Variants in MAML2 observed in about 807,000 individuals in gnomAD.
The protein encoded by MAML2 is mastermind-like protein 2.
Under a neutral mutation model 96.1 loss-of-function variants are expected in MAML2, and 22 were observed. That is an observed-to-expected ratio of 0.23 (90% CI 0.16 to 0.33). The LOEUF (loss-of-function observed/expected upper bound fraction) is 0.33, where lower values mean the gene tolerates loss of function less well. Ranked by LOEUF, MAML2 falls within the 10% of genes least tolerant of loss-of-function variation. The pLI, the probability that MAML2 is intolerant of heterozygous loss-of-function variation, is 1.00. For missense variants in MAML2, 1,367 were observed against 1,392.4 expected (o/e 0.98, Z 0.29); for synonymous variants, 561 against 521.3 (o/e 1.08, Z -1.04).
At chr11:96,293,663 C>A (rs1268405175) in intron 1 of MAML2, among the ~76,000 whole-genome samples, 1 of 152,146 alleles carries the variant, frequency 6.6e-6, no homozygotes, top group Non-Finnish European at 1.5e-5. Context: ...AAATGAGACA[C>A]AGCCAAACAG....
At chr11:96,038,431 C>T (rs1046877362) in intron 2 of MAML2, among the ~76,000 whole-genome samples, 4 of 152,242 alleles carry the variant, frequency 2.6e-5, no homozygotes, top group East Asian at 1.9e-4. Flanking sequence ...TAAGGAAAAA[C>T]GCAAAATAGA....
intron 1 of MAML2, among the ~76,000 whole-genome samples, chr11:96,269,905 C>T (rs557714966): frequency 1.4e-5 from 2 of 144,244 alleles, no homozygotes; most frequent in African/African-American, 5.3e-5. Flanking sequence ...CCCTTGACCT[C>T]TAAACGTTGG....
intron 1 of MAML2, among the ~76,000 whole-genome samples, chr11:96,232,570 T>C (rs1204506775): frequency 1.3e-5 from 2 of 152,006 alleles, no homozygotes; most frequent in African/African-American, 4.8e-5. Context: ...CCCCGGTTCA[T>C]GCCATTCTCC....
intron 2 of MAML2, among the ~76,000 whole-genome samples, chr11:96,023,064 T>C (rs1347945747): frequency 1.3e-5 from 2 of 152,084 alleles, no homozygotes; most frequent in Non-Finnish European, 2.9e-5. Context: ...CTGAGCAAGA[T>C]TCAGTGAGGA....
At position 96,047,910 on chromosome 11, in the gene MAML2, C is replaced by CA. The variant is rs71459784; in HGVS notation, c.2139+43981dup. On this transcript the variant is annotated intron_variant, in intron 2 of 4. Transcript: ENST00000524717. ...CTGGGCGACAGGCAAGACTCTGCCTCAAAAAAAAAAAAAAAAAAAAAAAAG... is the reference window on the plus strand; with the variant it reads ...CTGGGCGACAGGCAAGACTCTGCCTCAAAAAAAAAAAAAAAAAAAAAAAAAG... Among the ~76,000 whole-genome samples the CA allele has an allele frequency of 1.7e-3, 136 of 82,400 alleles. 1 individual carries two copies. Among genetic ancestry groups the CA allele is most frequent in the African/African-American group, 2.4e-3 (54 of 22,490 alleles). The allele number at this position is 82,400 out of a possible 152,430, so 54.1% of individuals were successfully genotyped here.
chr11:96,327,989 G>A (rs1025354078), intron 1 of MAML2, among the ~76,000 whole-genome samples: 2 of 151,910 alleles, frequency 1.3e-5, no homozygotes, highest in African/African-American at 4.8e-5. Context: ...CCAGCTACTC[G>A]GGAGGCTAAG....
At chr11:96,155,025 G>C (rs1021487287) in intron 1 of MAML2, among the ~76,000 whole-genome samples, 11 of 152,160 alleles carry the variant, frequency 7.2e-5, no homozygotes, top group Admixed American at 2.6e-4. Flanking sequence ...TGCTGGCAGG[G>C]AGCAGTGCTC....
chr11:96,152,507 T>C lies in MAML2; in HGVS notation c.514-58990A>G, dbSNP rs1156338216. On this transcript the variant is annotated intron_variant, in intron 1 of 4. Transcript: ENST00000524717. ...ATGGCCAGCAAGAATTCTAGGTGTA[T>C]AAAACTCATTCTCTCTTTTCTTCCA... 3.9e-5 allele frequency among the ~76,000 whole-genome samples: 6 copies of C among 152,246 alleles called. No homozygotes were observed. The South Asian group carries it at 8.3e-4, about 21-fold the overall frequency.
At chr11:96,309,003 A>G (rs1863502465) in intron 1 of MAML2, among the ~76,000 whole-genome samples, 1 of 152,264 alleles carries the variant, frequency 6.6e-6, no homozygotes, top group South Asian at 2.1e-4. Flanking sequence ...ATAAAATACA[A>G]TACAATAAAA....
Position 96,063,952 on chromosome 11 carries a change from AG to A in MAML2, c.2139+27939del, listed in dbSNP as rs544006370. Among the ~76,000 whole-genome samples the A allele has an allele frequency of 2.4e-3, 364 of 152,308 alleles. 2 individuals are homozygous for A. Among genetic ancestry groups the A allele is most frequent in the African/African-American group, 8.2e-3 (341 of 41,566 alleles). The stretch of plus-strand genomic sequence containing the variant: ...TTCAGATGCTCCCTGTGTGATTAGA[AG>A]TGAGATGAGTTCATGTCTGTAAAAT... On this transcript the variant is annotated intron_variant, in intron 2 of 4. Transcript: ENST00000524717.
chr11:96,169,659 CTT>C (rs5793784), intron 1 of MAML2, among the ~76,000 whole-genome samples: 1 of 144,890 alleles, frequency 6.9e-6, no homozygotes. Flanking sequence ...AGAAAGTAAA[CTT>C]TTTTTTTTTT....
chr11:96,316,627 G>A (rs1244720338), intron 1 of MAML2, among the ~76,000 whole-genome samples: 2 of 152,162 alleles, frequency 1.3e-5, no homozygotes, highest in East Asian at 1.9e-4. Context: ...CTTGAAAAGC[G>A]AGGCAGGCAG....
rs79749321 is a variant in MAML2 at position 96,016,620 on chromosome 11, T to C, written c.2140-24897A>G. Among the ~76,000 whole-genome samples the C allele has an allele frequency of 2.1e-3, 321 of 152,266 alleles. 4 individuals carry two copies. The highest frequency in any genetic ancestry group is 7.5e-3 in the African/African-American group (310 of 41,552). On this transcript the variant is annotated intron_variant, in intron 2 of 4. Coordinates refer to ENST00000524717, the MANE Select transcript of MAML2 (RefSeq NM_032427.4). Reference sequence around the variant, plus strand: ...TTTTTGTGGGGATAAAAGCTAACTATGATGACATTTTACAAAAGCTTTTGG... The same window carrying C: ...TTTTTGTGGGGATAAAAGCTAACTACGATGACATTTTACAAAAGCTTTTGG...
At chr11:96,075,571 G>A (rs1335882874) in intron 2 of MAML2, among the ~76,000 whole-genome samples, 1 of 152,160 alleles carries the variant, frequency 6.6e-6, no homozygotes, top group Non-Finnish European at 1.5e-5. Flanking sequence ...GAGTGCTAGG[G>A]AGTGTGCTGG....
intron 1 of MAML2, among the ~76,000 whole-genome samples, chr11:96,201,527 C>CA (rs1861821573): frequency 6.6e-6 from 1 of 152,028 alleles, no homozygotes; most frequent in Non-Finnish European, 1.5e-5. Flanking sequence ...TATTTGTAGA[C>CA]AAAAAAGTAA....
chr11:96,252,469 AGGCTGGAGT>A (rs1220712350), intron 1 of MAML2, among the ~76,000 whole-genome samples: 2 of 134,588 alleles, frequency 1.5e-5, no homozygotes, highest in Non-Finnish European at 3.1e-5. Context: ...CTCTGTCACG[AGGCTGGAGT>A]GCAGTGGAGC....
rs377665398 is a variant in MAML2, at chr11:96,019,348, T to C, written c.2140-27625A>G. On this transcript the variant is annotated intron_variant, in intron 2 of 4. Coordinates refer to ENST00000524717, the MANE Select transcript of MAML2 (RefSeq NM_032427.4). ...TGCCAGTGATAGTCTTTGGCTATCA[T>C]CCTGATCATAACAATCATTTTGAAT... Among the ~76,000 whole-genome samples the C allele has an allele frequency of 1.2e-3, 190 of 152,302 alleles. 4 individuals are homozygous for C. In the South Asian group the frequency reaches 0.036, roughly 29 times the overall value.
At chr11:96,287,169 C>T (rs1451172585) in intron 1 of MAML2, among the ~76,000 whole-genome samples, 1 of 152,172 alleles carries the variant, frequency 6.6e-6, no homozygotes, top group East Asian at 1.9e-4. Flanking sequence ...CCCCACAAAA[C>T]CTGTTATTAT....
At chr11:96,328,018 C>A (rs995530286) in intron 1 of MAML2, among the ~76,000 whole-genome samples, 4 of 152,072 alleles carry the variant, frequency 2.6e-5, no homozygotes, top group Non-Finnish European at 5.9e-5. Flanking sequence ...ATCACTTCAA[C>A]CCGGGGGGTG....
Sources: allele counts gnomAD v4.1 joint callset (sites outside exome capture counted in the v4.1 genomes callset), GRCh38; gene constraint gnomAD v4.1.1; transcripts MANE v1.5; gene names NCBI Gene and HGNC (gene_info 2026-07-23, HGNC 2026-07-21).